PPP1R9A: variants seen among roughly 807,000 people sequenced by gnomAD.
The protein encoded by PPP1R9A is protein phosphatase 1 regulatory subunit 9A.
PPP1R9A carries 59 observed loss-of-function variants against 141.9 expected under a neutral mutation model. The ratio of observed to expected loss-of-function variants is 0.42; its 90% CI spans 0.34 to 0.52. The LOEUF (loss-of-function observed/expected upper bound fraction) is 0.52, where lower values mean the gene tolerates loss of function less well. Ranked by LOEUF, PPP1R9A falls within the 20% of genes least tolerant of loss-of-function variation. The probability of loss-of-function intolerance (pLI) is 0.10; values close to 1 mark genes in which losing one functional copy is unlikely to be tolerated. For missense variants in PPP1R9A, 1,444 were observed against 1,611.9 expected (o/e 0.90, Z 1.78); for synonymous variants, 500 against 569.7 (o/e 0.88, Z 1.74).
intron 14 of PPP1R9A, among the ~76,000 whole-genome samples, chr7:95,272,607 A>G (rs189924941): frequency 6.6e-6 from 1 of 152,228 alleles, no homozygotes; most frequent in Admixed American, 6.5e-5. Context: ...TGAAAAGCTC[A>G]TTGCTAAAAA....
intron 2 of PPP1R9A, among the ~76,000 whole-genome samples, chr7:95,062,153 G>A (rs1316841004): frequency 6.6e-6 from 1 of 152,144 alleles, no homozygotes; most frequent in Non-Finnish European, 1.5e-5. Context: ...GCAGTCAGGA[G>A]CATGCATTAG....
At chr7:94,928,078 G>A (rs927232068) in intron 2 of PPP1R9A, among the ~76,000 whole-genome samples, 3 of 152,190 alleles carry the variant, frequency 2.0e-5, no homozygotes, top group Admixed American at 1.3e-4. Context: ...CCTTTATCAG[G>A]AGGAGAGGAA....
chr7:95,109,754 G>A (rs1820210175), intron 2 of PPP1R9A, among the ~76,000 whole-genome samples: 2 of 151,358 alleles, frequency 1.3e-5, no homozygotes, highest in Admixed American at 6.6e-5. Context: ...TACAGTGGGA[G>A]AATTACTTGA....
chr7:95,085,087 G>A (rs1816423919), intron 2 of PPP1R9A, among the ~76,000 whole-genome samples: 1 of 152,004 alleles, frequency 6.6e-6, no homozygotes, highest in African/African-American at 2.4e-5. Flanking sequence ...CTCTCCAATG[G>A]ATGTAAAATG....
At chr7:94,937,556 A>G (rs1010755449) in intron 2 of PPP1R9A, among the ~76,000 whole-genome samples, 2 of 152,178 alleles carry the variant, frequency 1.3e-5, no homozygotes, top group African/African-American at 4.8e-5. Flanking sequence ...ATCAACATAT[A>G]GGTAACTCAG....
At chr7:95,063,871 A>G (rs1053293047) in intron 2 of PPP1R9A, among the ~76,000 whole-genome samples, 1 of 152,138 alleles carries the variant, frequency 6.6e-6, no homozygotes, top group Non-Finnish European at 1.5e-5. Context: ...TTTTCTTTAT[A>G]TTACTCAGAG....
At position 94,911,473 on chromosome 7, in the gene PPP1R9A, A is replaced by C; in HGVS notation, c.1360A>C (p.Asn454His). The C allele has an allele frequency of 6.2e-7, 1 of 1,612,848 alleles. No homozygotes were observed. Among genetic ancestry groups the C allele is most frequent in the Non-Finnish European group, 8.5e-7 (1 of 1,179,082 alleles). The change falls in exon 2 of 20, where the codon AAT (asparagine) becomes CAT (histidine). Residue 454 changes from asparagine to histidine, a missense_variant. By Grantham distance (68) the Asn-to-His change is moderately conservative. Transcript: ENST00000433360. Reference sequence around the variant, plus strand: ...GCCAGAAGAAGAAGAAATCCCAGCAAATAGGAAAATTAAGTTTAGTAGTGC... The same window carrying C: ...GCCAGAAGAAGAAGAAATCCCAGCACATAGGAAAATTAAGTTTAGTAGTGC... The part of the protein sequence containing the change: ...GLPEEEEIPA[N>H]RKIKFSSAPI...
intron 2 of PPP1R9A, among the ~76,000 whole-genome samples, chr7:95,000,356 A>G (rs1375567149): frequency 1.3e-5 from 2 of 152,102 alleles, no homozygotes; most frequent in Non-Finnish European, 2.9e-5. Context: ...TTTCATGTAG[A>G]TTTTTGCATG....
chr7:94,978,041 G>C (rs369557864), intron 2 of PPP1R9A, among the ~76,000 whole-genome samples: 1 of 152,030 alleles, frequency 6.6e-6, no homozygotes, highest in African/African-American at 2.4e-5. Flanking sequence ...GATTACAGGC[G>C]TGAGCCACCA....
intron 2 of PPP1R9A, among the ~76,000 whole-genome samples, chr7:95,011,397 T>A (rs1804397942): frequency 6.6e-6 from 1 of 152,152 alleles, no homozygotes; most frequent in Non-Finnish European, 1.5e-5. Context: ...ATAATGATGC[T>A]ATTTACTTTT....
intron 5 of PPP1R9A, among the ~76,000 whole-genome samples, chr7:95,183,505 C>T (rs937756833): frequency 2.2e-5 from 3 of 136,826 alleles, no homozygotes; most frequent in African/African-American, 8.3e-5. Flanking sequence ...GGCTGGAGTG[C>T]AGTGGCACAA....
At chr7:95,066,994 C>T (rs1033248829) in intron 2 of PPP1R9A, among the ~76,000 whole-genome samples, 4 of 152,138 alleles carry the variant, frequency 2.6e-5, no homozygotes, top group Non-Finnish European at 5.9e-5. Context: ...TGGATGGTAT[C>T]GGATTTCTCC....
chr7:95,271,622 AAGTATCTTATTAC>A (rs1802193122), intron 14 of PPP1R9A, among the ~76,000 whole-genome samples: 1 of 152,194 alleles, frequency 6.6e-6, no homozygotes, highest in East Asian at 1.9e-4. Flanking sequence ...AGAGATAGTC[AAGTATCTTATTAC>A]AGTGAGATTA....
At chr7:95,260,676 CA>C (rs5885903) in intron 12 of PPP1R9A, among the ~76,000 whole-genome samples, 5,795 of 119,118 alleles carry the variant, frequency 0.049, 249 homozygotes, top group African/African-American at 0.14. Context: ...GACTCTGACT[CA>C]AAAAAAAAAA....
At chr7:94,979,469 C>CT (rs1799836830) in intron 2 of PPP1R9A, among the ~76,000 whole-genome samples, 1 of 152,082 alleles carries the variant, frequency 6.6e-6, no homozygotes, top group Non-Finnish European at 1.5e-5. Flanking sequence ...ATAATAAGCA[C>CT]TAATGTTAAA....
chr7:95,093,609 T>C (rs572476744), intron 2 of PPP1R9A, among the ~76,000 whole-genome samples: 55 of 152,312 alleles, frequency 3.6e-4, no homozygotes, highest in Admixed American at 8.5e-4. Context: ...CATTATAAAA[T>C]TTTTTGCCAG....
At chr7:95,048,101 A>G (rs1810286385) in intron 2 of PPP1R9A, among the ~76,000 whole-genome samples, 1 of 152,216 alleles carries the variant, frequency 6.6e-6, no homozygotes, top group African/African-American at 2.4e-5. Context: ...AATGAAATGT[A>G]CATTAAATGG....
At position 95,275,725 on chromosome 7, in the gene PPP1R9A, A is replaced by G. The variant is rs532470582; in HGVS notation, c.3296+1557A>G. On this transcript the variant is annotated intron_variant, in intron 16 of 19. Coordinates refer to ENST00000433360, the MANE Select transcript of PPP1R9A (RefSeq NM_001166160.2). The stretch of plus-strand genomic sequence containing the variant: ...CACTTCTCCACTTCATGGGTTGTCC[A>G]CTGCTGTTTACTTTTCTTTTTTCTC... 1.5e-3 allele frequency among the ~76,000 whole-genome samples: 232 copies of G among 152,344 alleles called. 1 individual carries two copies. Among genetic ancestry groups the G allele is most frequent in the African/African-American group, 5.2e-3 (216 of 41,590 alleles).
chr7:95,246,857 G>C (rs183931272), intron 8 of PPP1R9A, among the ~76,000 whole-genome samples: 14 of 152,280 alleles, frequency 9.2e-5, no homozygotes, highest in Admixed American at 9.2e-4. Flanking sequence ...GGCAGAAGCT[G>C]TTGGGGGTCT....
Sources: gnomAD v4.1 joint callset for allele counts (sites outside exome capture counted in the v4.1 genomes callset) on GRCh38, gnomAD v4.1.1 for gene constraint, MANE v1.5 for transcripts, NCBI Gene and HGNC (gene_info 2026-07-23, HGNC 2026-07-21) for gene names.